The following ZC3H11A variants were observed in gnomAD, a reference collection of about 807,000 sequenced individuals.
ZC3H11A encodes the protein zinc finger CCCH domain-containing protein 11A.
Under a neutral mutation model 90.8 loss-of-function variants are expected in ZC3H11A, and 22 were observed. The observed-to-expected ratio is 0.24, with a 90% CI of 0.17 to 0.35. The LOEUF (loss-of-function observed/expected upper bound fraction) is 0.35, where lower values mean the gene tolerates loss of function less well. Among genes scored for constraint, ZC3H11A ranks in the 10% least tolerant of loss-of-function variants. The probability of loss-of-function intolerance (pLI) is 1.00; values close to 1 mark genes in which losing one functional copy is unlikely to be tolerated. For synonymous variants in ZC3H11A, 294 were observed against 339.8 expected (o/e 0.87, Z 1.48); for missense variants, 701 against 964.9 (o/e 0.73, Z 3.62).
In ZC3H11A at chr1:203,829,761, C is replaced by T. The variant is rs2103014062; in HGVS notation, c.503-19C>T. The T allele has an allele frequency of 6.2e-7, 1 of 1,613,190 alleles. No individual in the cohort carries two copies. The highest frequency in any genetic ancestry group is 8.5e-7 in the Non-Finnish European group (1 of 1,179,264). On this transcript the variant is annotated intron_variant, in intron 6 of 17. Coordinates refer to ENST00000367210, the MANE Select transcript of ZC3H11A (RefSeq NM_001376342.1). ...GGCGTATTTTTAATTGTGAATTTGC[C>T]TTAAATGTTGATATATAGATCAGTT...
At chr1:203,816,123 T>G (rs35400764) in intron 2 of ZC3H11A, among the ~76,000 whole-genome samples, 1 of 152,190 alleles carries the variant, frequency 6.6e-6, no homozygotes, top group East Asian at 1.9e-4. Flanking sequence ...CACCTAGTTA[T>G]GATTATATAC....
chr1:203,799,203 A>G, intron 1 of ZC3H11A: 1 of 1,072,468 alleles, frequency 9.3e-7, no homozygotes, highest in Non-Finnish European at 1.4e-6. Context: ...CCCTAGCTTC[A>G]TTGTTTCTGA....
In ZC3H11A at chr1:203,800,030, C is replaced by T. The variant is rs1334780913; in HGVS notation, c.-1587-1545C>T. On this transcript the variant is annotated intron_variant, in intron 1 of 17. Transcript: ENST00000367210. ...CATTTACCTCATCTCTAAAAGAAGG[C>T]ACCTCCAGTTCAGGTTCTGTTGATA... The T allele has an allele frequency of 2.0e-6, 3 of 1,535,976 alleles. No individual in the cohort carries two copies. The African/African-American group carries it at 4.1e-5, about 21-fold the overall frequency.
chr1:203,827,826 T>C (rs998157196), intron 4 of ZC3H11A, among the ~76,000 whole-genome samples: 1 of 152,170 alleles, frequency 6.6e-6, no homozygotes, highest in African/African-American at 2.4e-5. Flanking sequence ...AACTGCAGTT[T>C]ATTGAGTTTG....
intron 8 of ZC3H11A, 33 bp downstream of exon 8, chr1:203,830,236 A>G (rs189430830): frequency 3.4e-4 from 514 of 1,523,140 alleles, no homozygotes; most frequent in Non-Finnish European, 4.5e-4. Flanking sequence ...GGATAGTTGT[A>G]TGTTGCTAGG....
At chr1:203,800,333 T>C (rs1335215849) in intron 1 of ZC3H11A, 4 of 887,554 alleles carry the variant, frequency 4.5e-6, no homozygotes, top group Non-Finnish European at 7.2e-6. Context: ...ACTTTGACAA[T>C]ATAGAACAAC....
At position 203,833,868 on chromosome 1, in the gene ZC3H11A, G is replaced by A. The variant is rs750168239; in HGVS notation, c.874+15G>A. ...ATTTTCAGCAGGTAAGATAAGTTTT[G>A]TGTATATCTTTTCTTTTCTACTTGT... On this transcript the variant is annotated intron_variant, in intron 10 of 17. Coordinates refer to ENST00000367210, the MANE Select transcript of ZC3H11A (RefSeq NM_001376342.1). The A allele has an allele frequency of 7.5e-6, 12 of 1,599,856 alleles. No homozygotes were observed. The highest frequency in any genetic ancestry group is 1.3e-5 in the African/African-American group (1 of 74,208).
chr1:203,848,900 G>A (rs931685059), intron 14 of ZC3H11A, among the ~76,000 whole-genome samples: 3 of 148,398 alleles, frequency 2.0e-5, no homozygotes, highest in Admixed American at 7.1e-5. Flanking sequence ...GGATTTCTTC[G>A]AGCTTTTTCA....
At chr1:203,798,208 G>A (rs1669283524) in intron 1 of ZC3H11A, 1 of 1,536,118 alleles carries the variant, frequency 6.5e-7, no homozygotes, top group Non-Finnish European at 8.7e-7. Context: ...AATAGAATGG[G>A]CAAGAAGCAT....
chr1:203,798,011 A>G (rs548062567), intron 1 of ZC3H11A: 1 of 1,533,984 alleles, frequency 6.5e-7, no homozygotes, highest in East Asian at 2.4e-5. Flanking sequence ...GGGGTAAACC[A>G]GGTAGCCATC....
chr1:203,825,889 GT>G (rs772214254), intron 4 of ZC3H11A, among the ~76,000 whole-genome samples: 1 of 152,002 alleles, frequency 6.6e-6, no homozygotes, highest in African/African-American at 2.4e-5. Context: ...CATTTTCCAA[GT>G]TGTCTTCGTT....
chr1:203,796,648 AT>A (rs1361660917), intron 1 of ZC3H11A: 1 of 392,978 alleles, frequency 2.5e-6, no homozygotes, highest in Non-Finnish European at 4.5e-6. Flanking sequence ...CAATCGAAAA[AT>A]GGAAGTGGTT....
chr1:203,810,400 T>A (rs1429091190), intron 2 of ZC3H11A, among the ~76,000 whole-genome samples: 1 of 151,702 alleles, frequency 6.6e-6, no homozygotes, highest in East Asian at 1.9e-4. Context: ...TTCCTTTTTC[T>A]TGTTTTACAT....
At chr1:203,843,152 A>T (rs986015876) in intron 12 of ZC3H11A, among the ~76,000 whole-genome samples, 2 of 152,100 alleles carry the variant, frequency 1.3e-5, no homozygotes, top group African/African-American at 2.4e-5. Context: ...CTAGGGTTTT[A>T]TCTCTCCCTA....
chr1:203,804,005 A>G (rs1438286817), intron 2 of ZC3H11A, among the ~76,000 whole-genome samples: 1 of 152,124 alleles, frequency 6.6e-6, no homozygotes, highest in South Asian at 2.1e-4. Context: ...CGATGTGTGC[A>G]TTATTTTTTG....
At position 203,847,184 on chromosome 1, in the gene ZC3H11A, A is replaced by G. The variant is rs745400172; in HGVS notation, c.1043A>G (p.Asp348Gly). ...ACATGTTTTTCTCCTGTGAAAACAG[A>G]TAAAGTTAATAAAGTTGGTGAGATC... is the stretch of plus-strand genomic sequence containing the variant. ...SADPDNEDATDKVNKVGEIHV... is the reference protein window; with the variant it reads ...SADPDNEDATGKVNKVGEIHV... Residue 348 changes from aspartate to glycine, a missense_variant and splice_region_variant, in exon 13 of 18, where the codon GAT becomes GGT. Physicochemically the swap from Asp to Gly is moderately conservative, Grantham distance 94 (BLOSUM62 -1). Transcript: ENST00000367210. The G allele has an allele frequency of 6.2e-7, 1 of 1,612,394 alleles. No individual in the cohort carries two copies. Among genetic ancestry groups the G allele is most frequent in the South Asian group, 1.1e-5 (1 of 90,586 alleles).
At chr1:203,845,800 GT>G (rs1687728713) in intron 12 of ZC3H11A, among the ~76,000 whole-genome samples, 1 of 152,118 alleles carries the variant, frequency 6.6e-6, no homozygotes, top group South Asian at 2.1e-4. Context: ...GGAGATGTAG[GT>G]TGCGGTGAGT....
At chr1:203,835,723 GT>G in intron 10 of ZC3H11A, 1 of 255,270 alleles carries the variant, frequency 3.9e-6, no homozygotes, top group Non-Finnish European at 8.5e-6. Flanking sequence ...GTTTTGTTTG[GT>G]TTGCCACCAG....
rs1670737518 is a variant in ZC3H11A, at chr1:203,802,217, A to G, written c.-945A>G. The G allele has an allele frequency of 6.6e-6, 1 of 152,616 alleles. No homozygotes were observed. Among genetic ancestry groups the G allele is most frequent in the Non-Finnish European group, 1.5e-5 (1 of 68,032 alleles). 9.5% of individuals were successfully genotyped at this position (152,616 alleles called of 1,614,324 possible). A position where few individuals can be genotyped will look rare whatever the true frequency, so the allele number is the denominator to read the frequency against. On this transcript the variant is annotated 5_prime_UTR_variant, in exon 2 of 18. In the 5' UTR this introduces an upstream ATG that the reference lacks. Transcript: ENST00000367210. ...ATGACGATGATGGATATATATACAT[A>G]CATCCATATTATACATAATGATATA... is the stretch of plus-strand genomic sequence containing the variant.
Sources: allele counts gnomAD v4.1 joint callset (sites outside exome capture counted in the v4.1 genomes callset), GRCh38; gene constraint gnomAD v4.1.1; transcripts MANE v1.5; gene names NCBI Gene and HGNC (gene_info 2026-07-23, HGNC 2026-07-21).